The following GALNT17 variants were observed in gnomAD, a reference collection of about 807,000 sequenced individuals.
GALNT17 encodes the protein UDP-GalNAc:polypeptide N-acetylgalactosaminyltransferase-like 3.
GALNT17 carries 29 observed loss-of-function variants against 63.7 expected under a neutral mutation model. The observed-to-expected ratio is 0.46, with a 90% CI of 0.34 to 0.62. The LOEUF is 0.62. Ranked by LOEUF, GALNT17 falls within the 20% of genes least tolerant of loss-of-function variation. The probability of loss-of-function intolerance (pLI) is 0.01; values close to 1 mark genes in which losing one functional copy is unlikely to be tolerated. For synonymous variants in GALNT17, 305 were observed against 318.3 expected, an observed-to-expected ratio of 0.96 and a Z score of 0.45; for missense variants, 603 against 799.6, an observed-to-expected ratio of 0.75 and a Z score of 2.97.
At chr7:71,637,246 C>T (rs1052614639) in intron 6 of GALNT17, among the ~76,000 whole-genome samples, 3 of 152,022 alleles carry the variant, frequency 2.0e-5, no homozygotes, top group Non-Finnish European at 2.9e-5. Context: ...AGTGCAGTGA[C>T]GCGATCTCGG....
intron 1 of GALNT17, among the ~76,000 whole-genome samples, chr7:71,289,915 C>T (rs754729658): frequency 4.6e-5 from 7 of 150,806 alleles, no homozygotes; most frequent in Non-Finnish European, 8.8e-5. Context: ...TGTGGTGGCA[C>T]GCACCTGTAG....
At chr7:71,546,270 C>G (rs1386557612) in intron 5 of GALNT17, among the ~76,000 whole-genome samples, 3 of 151,822 alleles carry the variant, frequency 2.0e-5, no homozygotes, top group Non-Finnish European at 4.4e-5. Context: ...AAGCAATGCT[C>G]CCATCTCAGC....
chr7:71,609,823 ACTAT>A lies in GALNT17; in HGVS notation c.1080+38425_1080+38428del, dbSNP rs1043536706. On this transcript the variant is annotated intron_variant, in intron 6 of 10. Transcript: ENST00000333538. Reference sequence around the variant, plus strand: ...AATTATTACTAAGTTATTATTAATAACTATCTAATTGTGCTATTAGTAGGTTTTA... The same window carrying A: ...AATTATTACTAAGTTATTATTAATAACTAATTGTGCTATTAGTAGGTTTTA... Among the ~76,000 whole-genome samples, 104 of 152,270 alleles carry A rather than the reference ACTAT, an allele frequency of 6.8e-4. 1 individual carries two copies. The highest frequency in any genetic ancestry group is 2.3e-3 in the African/African-American group (94 of 41,566).
intron 1 of GALNT17, among the ~76,000 whole-genome samples, chr7:71,328,401 T>G (rs12699013): frequency 0.063 from 9,556 of 152,256 alleles, 325 homozygotes; most frequent in Non-Finnish European, 0.086. Flanking sequence ...CCTTTGACTT[T>G]GTGACTACTC....
At chr7:71,592,785 A>G (rs1160595731) in intron 6 of GALNT17, among the ~76,000 whole-genome samples, 2 of 152,104 alleles carry the variant, frequency 1.3e-5, no homozygotes, top group Non-Finnish European at 2.9e-5. Context: ...GAAGTATTAT[A>G]TACCAGCCTA....
rs1791350879 is a variant in GALNT17, at chr7:71,685,962, T to G, written c.1500+8656T>G. On this transcript the variant is annotated intron_variant, in intron 9 of 10. Transcript: ENST00000333538. ...AGGCAATTACTATTTTTTTTTTTTT[T>G]TTTTTTTTTTGAGACAGAGTCTCAC... Among the ~76,000 whole-genome samples, 4 of 135,454 alleles carry G rather than the reference T, an allele frequency of 3.0e-5. No individual in the cohort carries two copies. The South Asian group carries it at 1.0e-3, about 35-fold the overall frequency. 88.9% of individuals were successfully genotyped at this position (135,454 alleles called of 152,430 possible).
At chr7:71,275,736 A>G (rs966862232) in intron 1 of GALNT17, among the ~76,000 whole-genome samples, 5 of 152,120 alleles carry the variant, frequency 3.3e-5, no homozygotes, top group East Asian at 1.9e-4. Context: ...GAAGGAGGCA[A>G]TGTTCCTTTT....
At chr7:71,213,571 G>A (rs1338795818) in intron 1 of GALNT17, among the ~76,000 whole-genome samples, 2 of 152,042 alleles carry the variant, frequency 1.3e-5, no homozygotes, top group Non-Finnish European at 2.9e-5. Flanking sequence ...TAACCCAGCC[G>A]TTTTTACTTT....
chr7:71,207,213 T>C (rs973447014), intron 1 of GALNT17, among the ~76,000 whole-genome samples: 2 of 152,198 alleles, frequency 1.3e-5, no homozygotes, highest in Non-Finnish European at 2.9e-5. Context: ...CATTGATCAA[T>C]TGTGTTGTGT....
chr7:71,501,326 G>A (rs1438014666), intron 5 of GALNT17, among the ~76,000 whole-genome samples: 1 of 151,998 alleles, frequency 6.6e-6, no homozygotes, highest in Non-Finnish European at 1.5e-5. Context: ...GTGCAGTGCT[G>A]TGACCATGGC....
chr7:71,678,498 C>T (rs1453193596), intron 9 of GALNT17, among the ~76,000 whole-genome samples: 2 of 151,686 alleles, frequency 1.3e-5, no homozygotes, highest in African/African-American at 4.8e-5. Flanking sequence ...GACAACATGG[C>T]AAAACCCCGT....
At chr7:71,351,068 G>A (rs1054471577) in intron 2 of GALNT17, among the ~76,000 whole-genome samples, 1 of 152,204 alleles carries the variant, frequency 6.6e-6, no homozygotes, top group Non-Finnish European at 1.5e-5. Flanking sequence ...TTGAACCTGG[G>A]AGGCAGAGGG....
chr7:71,360,869 C>T (rs1404713960), intron 2 of GALNT17, among the ~76,000 whole-genome samples: 2 of 152,152 alleles, frequency 1.3e-5, no homozygotes, highest in Non-Finnish European at 2.9e-5. Flanking sequence ...ACCCGGGAGG[C>T]GGAGGTTGCA....
chr7:71,555,593 A>G (rs986885074), intron 5 of GALNT17, among the ~76,000 whole-genome samples: 1 of 152,132 alleles, frequency 6.6e-6, no homozygotes, highest in Non-Finnish European at 1.5e-5. Flanking sequence ...CATCCAAATT[A>G]TATCAGCCTT....
At chr7:71,446,389 T>G (rs1428083303) in intron 5 of GALNT17, among the ~76,000 whole-genome samples, 3 of 152,198 alleles carry the variant, frequency 2.0e-5, no homozygotes, top group Non-Finnish European at 4.4e-5. Flanking sequence ...ATAACCAATG[T>G]TAATATTTCA....
intron 1 of GALNT17, among the ~76,000 whole-genome samples, chr7:71,205,152 CTT>C (rs759200277): frequency 7.4e-4 from 85 of 114,990 alleles, no homozygotes; most frequent in African/African-American, 1.7e-3. Flanking sequence ...TTACTTTTTA[CTT>C]TTTTTTTTTT....
chr7:71,556,220 G>A (rs1789160964), intron 5 of GALNT17, among the ~76,000 whole-genome samples: 1 of 152,198 alleles, frequency 6.6e-6, no homozygotes, highest in South Asian at 2.1e-4. Flanking sequence ...AACAATTGCT[G>A]TCACCTGACT....
intron 1 of GALNT17, among the ~76,000 whole-genome samples, chr7:71,235,175 C>T (rs1789863980): frequency 1.3e-5 from 2 of 151,546 alleles, no homozygotes; most frequent in Non-Finnish European, 2.9e-5. Flanking sequence ...CACTTGAACC[C>T]GGGAGGCAGA....
At chr7:71,325,730 G>A (rs748658190) in intron 1 of GALNT17, among the ~76,000 whole-genome samples, 4 of 152,140 alleles carry the variant, frequency 2.6e-5, no homozygotes, top group African/African-American at 4.8e-5. Flanking sequence ...CTTGCTGAGC[G>A]GTGATCAACC....
Sources: allele counts gnomAD v4.1 joint callset (sites outside exome capture counted in the v4.1 genomes callset), GRCh38; gene constraint gnomAD v4.1.1; transcripts MANE v1.5; gene names NCBI Gene and HGNC (gene_info 2026-07-23, HGNC 2026-07-21).